Variants in RSPH1 observed in about 807,000 individuals in gnomAD.
The protein encoded by RSPH1 is radial spoke head component 1, also known as radial spoke head 1 homolog.
Under a neutral mutation model 44.2 loss-of-function variants are expected in RSPH1, and 32 were observed. That is an observed-to-expected ratio of 0.72 (90% CI 0.55 to 0.97). The LOEUF (loss-of-function observed/expected upper bound fraction) is 0.97. Ranked by LOEUF, RSPH1 falls within the 50% of genes least tolerant of loss-of-function variation. The pLI, the probability that RSPH1 is intolerant of heterozygous loss-of-function variation, is 0.00. For missense variants in RSPH1, 391 were observed against 398.7 expected (o/e 0.98, Z 0.16); for synonymous variants, 134 against 147.3 (o/e 0.91, Z 0.65).
intron 3 of RSPH1, among the ~76,000 whole-genome samples, chr21:42,488,108 C>T (rs1272336472): frequency 3.3e-5 from 5 of 152,130 alleles, no homozygotes; most frequent in Admixed American, 6.5e-5. Context: ...GGGAAGGTGG[C>T]AACTGCTAAC....
In RSPH1 at chr21:42,476,050, G is replaced by A; in HGVS notation, c.728-3C>T. ...CTCCTCCCCGGGTTCTCCTGCACCT[G>A]AGATAAAACACAAGTCAGAAGCCTG... On this transcript the variant is annotated splice_polypyrimidine_tract_variant and splice_region_variant and intron_variant, in intron 7 of 8. Transcript: ENST00000291536. The A allele has an allele frequency of 6.2e-7, 1 of 1,613,526 alleles. No homozygotes were observed. Among genetic ancestry groups the A allele is most frequent in the Non-Finnish European group, 8.5e-7 (1 of 1,179,866 alleles).
intron 8 of RSPH1, among the ~76,000 whole-genome samples, chr21:42,473,981 G>A (rs531953946): frequency 5.9e-5 from 9 of 152,210 alleles, no homozygotes; most frequent in South Asian, 2.1e-4. Flanking sequence ...TCAGACGCCC[G>A]CTGGTACTGG....
rs534596790 is a variant in RSPH1, at chr21:42,482,165, A to G, written c.573+472T>C. The stretch of plus-strand genomic sequence containing the variant: ...GTGGCGTGATCTTGGCTCACTGCAA[A>G]CTCCGCCGCCCAGGTTTAAGCGATT... On this transcript the variant is annotated intron_variant, in intron 6 of 8. Coordinates refer to ENST00000291536, the MANE Select transcript of RSPH1 (RefSeq NM_080860.4). Among the ~76,000 whole-genome samples, 4 of 152,082 alleles carry G rather than the reference A, an allele frequency of 2.6e-5. No homozygotes were observed. The East Asian group carries it at 7.7e-4, about 29-fold the overall frequency.
intron 6 of RSPH1, among the ~76,000 whole-genome samples, chr21:42,481,326 C>T (rs371528466): frequency 6.6e-6 from 1 of 152,142 alleles, no homozygotes; most frequent in African/African-American, 2.4e-5. Context: ...AGAGGCCAGG[C>T]AGTTGCGGGT....
intron 1 of RSPH1, among the ~76,000 whole-genome samples, chr21:42,493,911 C>T (rs114851627): frequency 0.012 from 1,763 of 152,254 alleles, 33 homozygotes; most frequent in African/African-American, 0.04. Flanking sequence ...CCACCATTCC[C>T]AGCTAATTTC....
chr21:42,495,134 G>T (rs948565142), intron 1 of RSPH1, among the ~76,000 whole-genome samples: 1 of 152,220 alleles, frequency 6.6e-6, no homozygotes, highest in Non-Finnish European at 1.5e-5. Flanking sequence ...GGGACTCTGG[G>T]GGCATCAATC....
At position 42,482,708 on chromosome 21, in the gene RSPH1, G is replaced by T. The variant is rs2054141623; in HGVS notation, c.502C>A (p.Pro168Thr). 6.2e-7 allele frequency: 1 copy of T among 1,610,802 alleles called. No homozygotes were observed. The change falls in exon 6 of 9, where the codon CCT (proline) becomes ACT (threonine). Residue 168 changes from proline to threonine, a missense_variant and splice_region_variant. Transcript: ENST00000291536. ...RYQGKFLNKN[P>T]VGPGKYVFDV... ...AATACATACTTTCCAGGGCCAACAG[G>T]CTACGAGCAAAGAGAAACCATTCTT... is the stretch of plus-strand genomic sequence containing the variant.
intron 3 of RSPH1, among the ~76,000 whole-genome samples, chr21:42,488,537 T>C (rs1205325298): frequency 6.6e-6 from 1 of 152,190 alleles, no homozygotes; most frequent in African/African-American, 2.4e-5. Context: ...CTCTTGGCCA[T>C]GTCAGAGGAT....
chr21:42,493,671 C>G (rs921462692), intron 1 of RSPH1, among the ~76,000 whole-genome samples: 7 of 152,190 alleles, frequency 4.6e-5, no homozygotes, highest in African/African-American at 1.2e-4. Flanking sequence ...TTAAGTTTAT[C>G]TTATTTTTAA....
At chr21:42,486,084 G>GGAGCTCCCGGAGCTAGTGGGAGCCACA in intron 4 of RSPH1, 1 of 576,214 alleles carries the variant, frequency 1.7e-6, no homozygotes, top group Non-Finnish European at 3.1e-6. Context: ...TGGGAGCTGT[G>GGAGCTCCCGGAGCTAGTGGGAGCCACA]GCTCAGGTCC....
rs188745977 is a variant in RSPH1, at chr21:42,473,084, T to G, written c.878-214A>C. 1.1e-3 allele frequency among the ~76,000 whole-genome samples: 175 copies of G among 152,366 alleles called. 3 individuals are homozygous for G. The highest frequency in any genetic ancestry group is 5.4e-4 in the Non-Finnish European group (37 of 68,028). On this transcript the variant is annotated intron_variant, in intron 8 of 8. Coordinates refer to ENST00000291536, the MANE Select transcript of RSPH1 (RefSeq NM_080860.4). The stretch of plus-strand genomic sequence containing the variant: ...AAATAAGCAAAATACGTACTCAAAG[T>G]AAATGCTAAGACAAGACTATCCATG...
Position 42,484,705 on chromosome 21 carries a change from A to G in RSPH1, c.501+964T>C, listed in dbSNP as rs2054161207. 2.0e-5 allele frequency: 3 copies of G among 152,206 alleles called. No homozygotes were observed. The South Asian group carries it at 6.2e-4, about 32-fold the overall frequency. 9.4% of individuals were successfully genotyped at this position (152,206 alleles called of 1,614,324 possible). A position where few individuals can be genotyped will look rare whatever the true frequency, so the allele number is the denominator to read the frequency against. On this transcript the variant is annotated intron_variant, in intron 5 of 8. Coordinates refer to ENST00000291536, the MANE Select transcript of RSPH1 (RefSeq NM_080860.4). ...GATTTTTCAGACTGGTTTAGGCTGGACAAGCTGATTGATTCTTCCAGATTC... is the reference window on the plus strand; with the variant it reads ...GATTTTTCAGACTGGTTTAGGCTGGGCAAGCTGATTGATTCTTCCAGATTC...
chr21:42,480,873 G>T (rs1003591576), intron 6 of RSPH1, among the ~76,000 whole-genome samples: 1 of 152,126 alleles, frequency 6.6e-6, no homozygotes, highest in Non-Finnish European at 1.5e-5. Context: ...TCTACCTCCT[G>T]TGACCAAGGA....
chr21:42,472,781 A>T lies in RSPH1; in HGVS notation c.*37T>A. The T allele has an allele frequency of 6.5e-7, 1 of 1,532,552 alleles. No individual in the cohort carries two copies. The allele number at this position is 1,532,552 out of a possible 1,614,324, so 94.9% of individuals were successfully genotyped here. On this transcript the variant is annotated 3_prime_UTR_variant, in exon 9 of 9. Coordinates refer to ENST00000291536, the MANE Select transcript of RSPH1 (RefSeq NM_080860.4). ...ACTGCACCCGGCTAACGACAGAAGC[A>T]TTCTTATGATACGATCTCCTCTCGG...
At chr21:42,495,900 G>C in intron 1 of RSPH1, 1 of 546,148 alleles carries the variant, frequency 1.8e-6, no homozygotes. Flanking sequence ...GGATGGGGGT[G>C]GGGGAAGAAC....
At chr21:42,473,307 A>G (rs1192389199) in intron 8 of RSPH1, among the ~76,000 whole-genome samples, 2 of 152,200 alleles carry the variant, frequency 1.3e-5, no homozygotes, top group Non-Finnish European at 1.5e-5. Context: ...CCCGGCCAAC[A>G]TGGTGAAACC....
chr21:42,480,315 A>G lies in RSPH1; in HGVS notation c.573+2322T>C, dbSNP rs1039837600. Among the ~76,000 whole-genome samples, 83 of 152,244 alleles carry G rather than the reference A, an allele frequency of 5.5e-4. 1 individual carries two copies. Among genetic ancestry groups the G allele is most frequent in the Non-Finnish European group, 3.7e-4 (25 of 68,038 alleles). The stretch of plus-strand genomic sequence containing the variant: ...ACTCCCTTTGGTTTTAGAATCTAAC[A>G]AACTCTAGGAAGAAAAATGAGAAAA... On this transcript the variant is annotated intron_variant, in intron 6 of 8. Transcript: ENST00000291536.
At chr21:42,490,180 C>G (rs1208034303) in intron 3 of RSPH1, among the ~76,000 whole-genome samples, 3 of 151,018 alleles carry the variant, frequency 2.0e-5, no homozygotes, top group African/African-American at 7.3e-5. Flanking sequence ...GTATCCAAGT[C>G]ACCCGCCACC....
Position 42,472,812 on chromosome 21 carries a change from T to A in RSPH1, c.*6A>T. On this transcript the variant is annotated 3_prime_UTR_variant, in exon 9 of 9. Coordinates refer to ENST00000291536, the MANE Select transcript of RSPH1 (RefSeq NM_080860.4). ...ATGATACGATCTCCTCTCGGCTCAC[T>A]TCATCTTAGTCCTGGAGGTCTGACT... 1 of 1,605,960 alleles carries A rather than the reference T, an allele frequency of 6.2e-7. No individual in the cohort carries two copies. The highest frequency in any genetic ancestry group is 1.1e-5 in the South Asian group (1 of 90,730).
Sources: gnomAD v4.1 joint callset for allele counts (sites outside exome capture counted in the v4.1 genomes callset) on GRCh38, gnomAD v4.1.1 for gene constraint, MANE v1.5 for transcripts, NCBI Gene and HGNC (gene_info 2026-07-23, HGNC 2026-07-21) for gene names.